Variants in TXLNB observed in about 807,000 individuals in gnomAD.
The protein encoded by TXLNB is taxilin beta.
TXLNB carries 37 observed loss-of-function variants against 57.4 expected under a neutral mutation model. The ratio of observed to expected loss-of-function variants is 0.64; its 90% CI spans 0.50 to 0.85. The LOEUF is 0.85. Among genes scored for constraint, TXLNB ranks in the 40% least tolerant of loss-of-function variants. The pLI is 0.00. For synonymous variants in TXLNB, 302 were observed against 309.6 expected, an observed-to-expected ratio of 0.98 and a Z score of 0.26; for missense variants, 848 against 825.6, an observed-to-expected ratio of 1.03 and a Z score of -0.33.
chr6:139,179,716 C>T, the TXLNB span: 1 of 152,006 alleles, frequency 6.6e-6, no homozygotes, highest in Non-Finnish European at 1.5e-5. Context: ...CCTTAATACC[C>T]CAAGCTTGCC....
chr6:139,318,961 G>C, the TXLNB span, among the ~76,000 whole-genome samples: 3 of 27,960 alleles, frequency 1.1e-4, no homozygotes, highest in Non-Finnish European at 2.4e-4. Flanking sequence ...TTTTTTTTTT[G>C]AGATGGAGTC....
intron 4 of TXLNB, among the ~76,000 whole-genome samples, chr6:139,264,999 T>A (rs770202915): frequency 6.6e-6 from 1 of 152,130 alleles, no homozygotes; most frequent in Admixed American, 6.5e-5. Flanking sequence ...TTATTCAAAG[T>A]CAAAATAATG....
the TXLNB span, among the ~76,000 whole-genome samples, chr6:139,218,204 C>T: frequency 3.3e-5 from 5 of 152,150 alleles, no homozygotes; most frequent in Admixed American, 6.6e-5. Flanking sequence ...TAATTACTAA[C>T]TTACATAAGC....
At chr6:139,252,248 G>T (rs1473834007) in intron 7 of TXLNB, among the ~76,000 whole-genome samples, 1 of 152,208 alleles carries the variant, frequency 6.6e-6, no homozygotes, top group East Asian at 1.9e-4. Context: ...TAGAAATGGG[G>T]CCTTGGCCTT....
upstream of TXLNB, among the ~76,000 whole-genome samples, chr6:139,294,857 C>T (rs559287976): frequency 4.1e-4 from 62 of 152,096 alleles, no homozygotes; most frequent in Middle Eastern, 3.4e-3. Flanking sequence ...GATGTGGTGG[C>T]GCATGCTTGT....
the TXLNB span, among the ~76,000 whole-genome samples, chr6:139,297,683 G>A: frequency 6.6e-6 from 1 of 152,114 alleles, no homozygotes; most frequent in African/African-American, 2.4e-5. Flanking sequence ...TGATTGTTAT[G>A]AAATTAACAT....
At chr6:139,182,530 G>A in the TXLNB span, among the ~76,000 whole-genome samples, 2 of 152,150 alleles carry the variant, frequency 1.3e-5, no homozygotes, top group Non-Finnish European at 2.9e-5. Flanking sequence ...AAATTCAGCA[G>A]CAATTAGATT....
the TXLNB span, among the ~76,000 whole-genome samples, chr6:139,299,472 T>C: frequency 6.6e-6 from 1 of 152,168 alleles, no homozygotes; most frequent in Non-Finnish European, 1.5e-5. Context: ...AACTTTGAAG[T>C]CCTCAGGCCA....
chr6:139,277,032 T>G, intron 2 of TXLNB, 111 bp from the exon 3 acceptor site: 2 of 728,898 alleles, frequency 2.7e-6, no homozygotes, highest in Non-Finnish European at 4.4e-6. Flanking sequence ...GGCTAAGCCA[T>G]TCATCTTATC....
At chr6:139,290,647 G>A (rs1251964650) in intron 1 of TXLNB, among the ~76,000 whole-genome samples, 2 of 152,166 alleles carry the variant, frequency 1.3e-5, no homozygotes, top group Admixed American at 1.3e-4. Flanking sequence ...CTGAGTCAGA[G>A]ATTCCAGGGT....
the TXLNB span, among the ~76,000 whole-genome samples, chr6:139,221,093 A>C: frequency 6.6e-6 from 1 of 152,208 alleles, no homozygotes; most frequent in East Asian, 1.9e-4. Context: ...TGGTCAAGAA[A>C]AGCAAAAAGA....
At position 139,288,907 on chromosome 6, in the gene TXLNB, G is replaced by GT. The variant is rs780961619; in HGVS notation, c.-9dup. On this transcript the variant is annotated 5_prime_UTR_variant, in exon 2 of 10. Transcript: ENST00000358430. ...AGAGTGATTAGCCTCCATCTTGGGA[G>GT]TAGTATCTAGTGGTAAGCACAGTTA... The GT allele has an allele frequency of 6.2e-6, 10 of 1,608,718 alleles. No homozygotes were observed. Among genetic ancestry groups the GT allele is most frequent in the African/African-American group, 1.3e-5 (1 of 74,812 alleles).
chr6:139,242,808 C>T lies in TXLNB; in HGVS notation c.1773G>A (p.Glu591=), dbSNP rs780354622. ...CAGCCTGTGCTCCAACAGGGAGACC[C>T]TCGCATTGGGTTTCTGCTCCCAACC... is the stretch of plus-strand genomic sequence containing the variant. ...PAGLGAETQC[E]GLPVGAQADQ... Residue 591 remains glutamate (E), a synonymous_variant, in exon 10 of 10, where the codon GAG becomes GAA. Coordinates refer to ENST00000358430, the MANE Select transcript of TXLNB (RefSeq NM_153235.4). 9.9e-6 allele frequency: 16 copies of T among 1,614,036 alleles called. No homozygotes were observed. The highest frequency in any genetic ancestry group is 3.3e-5 in the South Asian group (3 of 91,088).
intron 2 of TXLNB, chr6:139,286,776 A>T (rs1777186692): frequency 5.9e-6 from 1 of 168,418 alleles, no homozygotes; most frequent in African/African-American, 2.4e-5. Flanking sequence ...CATGCAAGGG[A>T]TGTAGGTTGC....
chr6:139,250,177 C>CTTTTTT lies in TXLNB; in HGVS notation c.1078-2274_1078-2269dup, dbSNP rs529236500. On this transcript the variant is annotated intron_variant, in intron 7 of 9. Coordinates refer to ENST00000358430, the MANE Select transcript of TXLNB (RefSeq NM_153235.4). ...CTACAGGCACATGCCCCATGTCTGGCTTTTTTTTTTTTTTTTTTTTAACAC... is the reference window on the plus strand; with the variant it reads ...CTACAGGCACATGCCCCATGTCTGGCTTTTTTTTTTTTTTTTTTTTTTTTTTAACAC... 1.0e-3 allele frequency among the ~76,000 whole-genome samples: 127 copies of CTTTTTT among 124,404 alleles called. 1 individual carries two copies. The East Asian group carries it at 0.021, about 21-fold the overall frequency. The allele number at this position is 124,404 out of a possible 152,430, so 81.6% of individuals were successfully genotyped here. A position where few individuals can be genotyped will look rare whatever the true frequency, so the allele number is the denominator to read the frequency against.
chr6:139,267,090 T>C lies in TXLNB; in HGVS notation c.687+3366A>G, dbSNP rs919479562. 2.0e-5 allele frequency among the ~76,000 whole-genome samples: 3 copies of C among 151,738 alleles called. No homozygotes were observed. The East Asian group carries it at 5.8e-4, about 29-fold the overall frequency. On this transcript the variant is annotated intron_variant, in intron 4 of 9. Coordinates refer to ENST00000358430, the MANE Select transcript of TXLNB (RefSeq NM_153235.4). The stretch of plus-strand genomic sequence containing the variant: ...GATAAAAGGCAACTAAGAGAATTGA[T>C]TACCAGCAGATTTGTACTATAAGAA...
At chr6:139,305,156 C>G in the TXLNB span, among the ~76,000 whole-genome samples, 1 of 152,118 alleles carries the variant, frequency 6.6e-6, no homozygotes, top group Non-Finnish European at 1.5e-5. Context: ...CCCCAAAAGC[C>G]TTCTCCTTGT....
chr6:139,225,789 A>AGT, the TXLNB span, among the ~76,000 whole-genome samples: 5 of 152,116 alleles, frequency 3.3e-5, no homozygotes, highest in East Asian at 1.9e-4. Flanking sequence ...TGAAAACCCC[A>AGT]GTGTGTGTGT....
the TXLNB span, among the ~76,000 whole-genome samples, chr6:139,229,466 G>C: frequency 1.3e-5 from 2 of 152,064 alleles, no homozygotes; most frequent in Non-Finnish European, 2.9e-5. Context: ...AGAATTACAC[G>C]TGCCTGCCAC....
Sources: allele counts gnomAD v4.1 joint callset (sites outside exome capture counted in the v4.1 genomes callset), GRCh38; gene constraint gnomAD v4.1.1; transcripts MANE v1.5; gene names NCBI Gene and HGNC (gene_info 2026-07-23, HGNC 2026-07-21).